Variants in TTC23L observed in about 807,000 individuals in gnomAD.
TTC23L encodes the protein tetratricopeptide repeat domain 23 like.
A neutral mutation model predicts 48.1 loss-of-function variants in TTC23L; 42 were observed. The ratio of observed to expected loss-of-function variants is 0.87; its 90% CI spans 0.68 to 1.13. The LOEUF is 1.13. TTC23L is among the 50% of genes most tolerant of loss of function. The probability of loss-of-function intolerance (pLI) is 0.00; values close to 1 mark genes in which losing one functional copy is unlikely to be tolerated. For synonymous variants in TTC23L, 159 were observed against 157.2 expected (o/e 1.01, Z -0.09); for missense variants, 391 against 421.0 (o/e 0.93, Z 0.62).
the TTC23L span, chr5:34,922,228 G>A: frequency 6.3e-7 from 1 of 1,577,018 alleles, no homozygotes; most frequent in Non-Finnish European, 8.7e-7. Context: ...TTTGTGAAAT[G>A]AAGAACTGTA....
the TTC23L span, chr5:34,911,804 T>C: frequency 1.2e-6 from 2 of 1,613,958 alleles, no homozygotes; most frequent in Non-Finnish European, 1.7e-6. Flanking sequence ...CGAAGTGCAG[T>C]TAAAGTCCCT....
chr5:34,849,655 C>G (rs1759501263), intron 3 of TTC23L, among the ~76,000 whole-genome samples: 1 of 152,054 alleles, frequency 6.6e-6, no homozygotes. Flanking sequence ...GTTTCTAAGT[C>G]CATATCTTTT....
chr5:34,842,030 G>A (rs1758724867), intron 2 of TTC23L, among the ~76,000 whole-genome samples: 1 of 152,150 alleles, frequency 6.6e-6, no homozygotes, highest in South Asian at 2.1e-4. Flanking sequence ...TCCCCTCGGG[G>A]CAAAGTCATC....
At chr5:34,915,265 C>A in the TTC23L span, 2 of 285,452 alleles carry the variant, frequency 7.0e-6, no homozygotes, top group Non-Finnish European at 1.3e-5. Context: ...GCCCGCGCCA[C>A]CAGCCCCGCC....
the TTC23L span, chr5:34,915,822 G>C: frequency 6.3e-7 from 1 of 1,575,094 alleles, no homozygotes; most frequent in South Asian, 1.2e-5. Flanking sequence ...ATGCGGAGCC[G>C]CCAGCTAAGC....
chr5:34,850,095 G>T (rs776717942), intron 3 of TTC23L, 90 bp from the exon 4 acceptor site: 1 of 1,423,656 alleles, frequency 7.0e-7, no homozygotes, highest in Non-Finnish European at 9.7e-7. Context: ...AAGATGACAG[G>T]TGAATTCAGT....
intron 5 of TTC23L, 24 bp from the exon 6 acceptor site, chr5:34,864,413 T>G (rs770907822): frequency 1.2e-6 from 2 of 1,612,848 alleles, no homozygotes; most frequent in Admixed American, 3.3e-5. Flanking sequence ...TTTGAGTGCT[T>G]GCCATTTTCC....
intron 4 of TTC23L, among the ~76,000 whole-genome samples, chr5:34,855,345 G>GC (rs1371831867): frequency 6.6e-6 from 1 of 152,174 alleles, no homozygotes; most frequent in Non-Finnish European, 1.5e-5. Context: ...TAGGCAAAGA[G>GC]CACTAGTGGA....
chr5:34,914,353 A>T, the TTC23L span: 2 of 310,084 alleles, frequency 6.4e-6, no homozygotes, highest in South Asian at 3.2e-5. Context: ...GGGAATAATA[A>T]CAGAACCTAC....
the TTC23L span, chr5:34,913,853 G>C: frequency 2.1e-6 from 1 of 480,922 alleles, no homozygotes; most frequent in South Asian, 1.8e-5. Context: ...CGAATGACTT[G>C]ATAATGCATG....
the TTC23L span, chr5:34,915,727 C>A: frequency 6.3e-7 from 1 of 1,592,772 alleles, no homozygotes; most frequent in Non-Finnish European, 8.5e-7. Flanking sequence ...AGAGCGCGGG[C>A]GGCGAGGCAA....
intron 1 of TTC23L, chr5:34,839,629 C>A (rs1008937698): frequency 2.0e-6 from 2 of 985,168 alleles, no homozygotes. Context: ...TTCTGATTTT[C>A]GGATAATGGA....
chr5:34,908,745 A>G, the TTC23L span: 4 of 1,564,916 alleles, frequency 2.6e-6, no homozygotes, highest in Non-Finnish European at 3.5e-6. Context: ...GTACACATAA[A>G]TATCAGTGAA....
intron 9 of TTC23L, among the ~76,000 whole-genome samples, chr5:34,889,628 A>G (rs561045835): frequency 6.6e-6 from 1 of 152,290 alleles, no homozygotes; most frequent in East Asian, 1.9e-4. Flanking sequence ...TTCCTGTGTT[A>G]CAAGGATACA....
intron 10 of TTC23L, among the ~76,000 whole-genome samples, chr5:34,897,127 G>A (rs1014735538): frequency 2.6e-5 from 4 of 152,148 alleles, no homozygotes; most frequent in Non-Finnish European, 4.4e-5. Flanking sequence ...AGCTCATGCT[G>A]TAATCCTAGC....
chr5:34,849,293 T>C (rs894029199), intron 3 of TTC23L, among the ~76,000 whole-genome samples: 3 of 152,160 alleles, frequency 2.0e-5, no homozygotes, highest in African/African-American at 7.2e-5. Flanking sequence ...TGGAAGAACA[T>C]ACCAGTAGCC....
rs550035351 is a variant in TTC23L at position 34,860,445 on chromosome 5, T to C, written c.380-2453T>C. Among the ~76,000 whole-genome samples the C allele has an allele frequency of 1.4e-3, 211 of 152,344 alleles. 1 individual carries two copies. The highest frequency in any genetic ancestry group is 4.9e-3 in the African/African-American group (204 of 41,576). On this transcript the variant is annotated intron_variant, in intron 4 of 10. Transcript: ENST00000505624. ...ACCTTGCATTATTACCAAGATTAGT[T>C]CTTACAAATGGGAATCCTTGGTTAC... is the stretch of plus-strand genomic sequence containing the variant.
the TTC23L span, among the ~76,000 whole-genome samples, chr5:34,910,704 A>C: frequency 6.6e-6 from 1 of 152,356 alleles, no homozygotes; most frequent in South Asian, 2.1e-4. Context: ...CTGGGATTAC[A>C]GGTGTCTGCC....
chr5:34,840,414 C>CA (rs1297808895), intron 1 of TTC23L, among the ~76,000 whole-genome samples: 4 of 152,256 alleles, frequency 2.6e-5, no homozygotes, highest in Admixed American at 6.5e-5. Context: ...TGCTTTGAGA[C>CA]ATAAAGGCCA....
Sources: gnomAD v4.1 joint callset for allele counts (sites outside exome capture counted in the v4.1 genomes callset) on GRCh38, gnomAD v4.1.1 for gene constraint, MANE v1.5 for transcripts, NCBI Gene and HGNC (gene_info 2026-07-23, HGNC 2026-07-21) for gene names.